RIC1: variants seen among roughly 807,000 people sequenced by gnomAD.
RIC1 encodes guanine nucleotide exchange factor subunit RIC1.
In RIC1, 88 loss-of-function variants were observed where a neutral mutation model predicts 169.0. The ratio of observed to expected loss-of-function variants is 0.52; its 90% CI spans 0.44 to 0.62. The LOEUF is 0.62. RIC1 is among the 20% of genes least tolerant of loss of function. The pLI is 0.00. For missense variants in RIC1, 1,877 were observed against 1,725.5 expected, an observed-to-expected ratio of 1.09 and a Z score of -1.56; for synonymous variants, 790 against 601.5, an observed-to-expected ratio of 1.31 and a Z score of -4.59.
chr9:5,767,742 C>G (rs1826888690), intron 21 of RIC1, among the ~76,000 whole-genome samples: 1 of 152,126 alleles, frequency 6.6e-6, no homozygotes, highest in African/African-American at 2.4e-5. Context: ...CATGCACCAC[C>G]ACGCCTGGCT....
intron 8 of RIC1, 131 bp downstream of exon 8, chr9:5,738,669 A>C (rs540740135): frequency 2.1e-6 from 1 of 481,062 alleles, no homozygotes; most frequent in African/African-American, 2.0e-5. Context: ...CTGGGTGTGT[A>C]AACTGGCTCA....
intron 12 of RIC1, among the ~76,000 whole-genome samples, chr9:5,748,330 A>T (rs543434045): frequency 6.6e-6 from 1 of 152,270 alleles, no homozygotes; most frequent in Middle Eastern, 3.4e-3. Flanking sequence ...AGCCTACTTC[A>T]GCTCCCATGT....
chr9:5,693,460 G>A (rs901566535), intron 3 of RIC1, among the ~76,000 whole-genome samples: 1 of 152,120 alleles, frequency 6.6e-6, no homozygotes, highest in Non-Finnish European at 1.5e-5. Context: ...GTCTTATTAA[G>A]TGACTCTGTA....
At chr9:5,630,157 C>T (rs1316621414) in intron 1 of RIC1, among the ~76,000 whole-genome samples, 4 of 152,144 alleles carry the variant, frequency 2.6e-5, no homozygotes, top group Admixed American at 2.0e-4. Flanking sequence ...TTGGGAGGAG[C>T]ATGGAACTGA....
At chr9:5,732,834 C>T (rs916371987) in intron 7 of RIC1, among the ~76,000 whole-genome samples, 1 of 152,116 alleles carries the variant, frequency 6.6e-6, no homozygotes, top group African/African-American at 2.4e-5. Flanking sequence ...CATCAGCATT[C>T]ATGACGCCTT....
chr9:5,682,057 C>G (rs190107326), intron 2 of RIC1, among the ~76,000 whole-genome samples: 1 of 152,184 alleles, frequency 6.6e-6, no homozygotes, highest in Non-Finnish European at 1.5e-5. Context: ...TGTGTCTCTG[C>G]ACCTGAGATG....
chr9:5,636,736 T>C lies in RIC1; in HGVS notation c.144+7283T>C, dbSNP rs368547443. 2.2e-4 allele frequency among the ~76,000 whole-genome samples: 34 copies of C among 152,336 alleles called. 1 individual carries two copies. In the East Asian group the frequency reaches 5.4e-3, roughly 24 times the overall value. ...TAAATTCATTTCTTAGTTCTAAATT[T>C]TTTGGTGGTTTTTAGGTTTTTCTAA... On this transcript the variant is annotated intron_variant, in intron 1 of 25. Coordinates refer to ENST00000414202, the MANE Select transcript of RIC1 (RefSeq NM_020829.4).
chr9:5,718,012 C>T (rs1214426185), intron 4 of RIC1, among the ~76,000 whole-genome samples: 14 of 150,302 alleles, frequency 9.3e-5, no homozygotes, highest in Middle Eastern at 3.4e-3. Context: ...TGGTGGCGTG[C>T]GCCTGTAATC....
chr9:5,669,527 C>G (rs898692978), intron 2 of RIC1, among the ~76,000 whole-genome samples: 1 of 152,178 alleles, frequency 6.6e-6, no homozygotes, highest in Non-Finnish European at 1.5e-5. Flanking sequence ...TCTTTATCCA[C>G]TTGTTGATTG....
At chr9:5,711,212 T>A (rs1029375807) in intron 3 of RIC1, among the ~76,000 whole-genome samples, 1 of 152,108 alleles carries the variant, frequency 6.6e-6, no homozygotes, top group African/African-American at 2.4e-5. Context: ...GTCATTGAAC[T>A]CCACAGCCAC....
chr9:5,674,137 A>G (rs1420645751), intron 2 of RIC1, among the ~76,000 whole-genome samples: 1 of 152,184 alleles, frequency 6.6e-6, no homozygotes, highest in African/African-American at 2.4e-5. Flanking sequence ...TGGAAAAGAC[A>G]TAAGGACTAC....
intron 7 of RIC1, 43 bp from the exon 8 acceptor site, chr9:5,738,406 AT>A (rs771879262): frequency 2.3e-6 from 3 of 1,305,648 alleles, no homozygotes; most frequent in African/African-American, 3.0e-5. Flanking sequence ...TTCTATTTGT[AT>A]TTGTCTTTTT....
chr9:5,731,041 C>A (rs935989957), intron 6 of RIC1, among the ~76,000 whole-genome samples: 1 of 152,106 alleles, frequency 6.6e-6, no homozygotes, highest in African/African-American at 2.4e-5. Flanking sequence ...ATAGGGAAAC[C>A]TGTTTAATAT....
Position 5,647,375 on chromosome 9 carries a change from A to G in RIC1, c.145-9208A>G, listed in dbSNP as rs185133884. Among the ~76,000 whole-genome samples, 13 of 152,346 alleles carry G rather than the reference A, an allele frequency of 8.5e-5. No individual in the cohort carries two copies. In the East Asian group the frequency reaches 2.5e-3, roughly 29 times the overall value. ...CTGTTAGGATTTTGAAAGGACTTAC[A>G]TTGACTATGTAGATTGCTTTGGGTA... On this transcript the variant is annotated intron_variant, in intron 1 of 25. Coordinates refer to ENST00000414202, the MANE Select transcript of RIC1 (RefSeq NM_020829.4).
At chr9:5,677,979 T>A (rs1008859891) in intron 2 of RIC1, among the ~76,000 whole-genome samples, 1 of 152,096 alleles carries the variant, frequency 6.6e-6, no homozygotes, top group Non-Finnish European at 1.5e-5. Flanking sequence ...GTATATCTCC[T>A]AATGCTATCC....
At chr9:5,691,810 C>T (rs1821605358) in intron 3 of RIC1, among the ~76,000 whole-genome samples, 1 of 151,948 alleles carries the variant, frequency 6.6e-6, no homozygotes. Flanking sequence ...ATTTATGTTC[C>T]TGTGGGCATG....
chr9:5,654,819 T>C (rs1818992162), intron 1 of RIC1, among the ~76,000 whole-genome samples: 1 of 152,148 alleles, frequency 6.6e-6, no homozygotes, highest in Non-Finnish European at 1.5e-5. Flanking sequence ...TTTCAAAGTG[T>C]AGGGATTACA....
chr9:5,720,279 A>C lies in RIC1; in HGVS notation c.538A>C (p.Asn180His). 1 of 1,613,782 alleles carries C rather than the reference A, an allele frequency of 6.2e-7. No homozygotes were observed. Residue 180 changes from asparagine (N) to histidine (H), a missense_variant, in exon 5 of 26, where the codon AAT becomes CAT. This residue lies in a region of RIC1 where 1,104 missense variants were observed against 992.0 expected (regional missense o/e 1.11). Coordinates refer to ENST00000414202, the MANE Select transcript of RIC1 (RefSeq NM_020829.4). Reference sequence around the variant, plus strand: ...AATGACAAATGGAAGGAAAGCCATTAATCTTTGCACAGTACCCTTTTCAGT... The same window carrying C: ...AATGACAAATGGAAGGAAAGCCATTCATCTTTGCACAGTACCCTTTTCAGT... The part of the protein sequence containing the change: ...EGMTNGRKAI[N>H]LCTVPFSVDL...
chr9:5,660,501 C>G (rs1389957523), intron 2 of RIC1, among the ~76,000 whole-genome samples: 1 of 152,188 alleles, frequency 6.6e-6, no homozygotes, highest in Non-Finnish European at 1.5e-5. Flanking sequence ...TCTCCACAAC[C>G]TAACCAGCAC....
Sources: gnomAD v4.1 joint callset for allele counts (sites outside exome capture counted in the v4.1 genomes callset) on GRCh38, gnomAD v4.1.1 for gene constraint, gnomAD v4.1.1 regional missense constraint, MANE v1.5 for transcripts, NCBI Gene and HGNC (gene_info 2026-07-23, HGNC 2026-07-21) for gene names.